The following USP13 variants were observed in gnomAD, a reference collection of about 807,000 sequenced individuals.
USP13 encodes the protein ubiquitin carboxyl-terminal hydrolase 13.
USP13 carries 68 observed loss-of-function variants against 107.8 expected under a neutral mutation model. That is an observed-to-expected ratio of 0.63 (90% CI 0.52 to 0.77). The LOEUF (loss-of-function observed/expected upper bound fraction) is 0.77. USP13 is among the 30% of genes least tolerant of loss of function. USP13 has a pLI of 0.00. For synonymous variants in USP13, 377 were observed against 389.5 expected, an observed-to-expected ratio of 0.97 and a Z score of 0.38; for missense variants, 945 against 1,093.3, an observed-to-expected ratio of 0.86 and a Z score of 1.91.
chr3:179,760,155 GTGTA>G (rs1714951844), intron 16 of USP13, among the ~76,000 whole-genome samples: 1 of 151,792 alleles, frequency 6.6e-6, no homozygotes, highest in Non-Finnish European at 1.5e-5. Flanking sequence ...CAGTGTGTAT[GTGTA>G]TGTATCTATA....
intron 19 of USP13, among the ~76,000 whole-genome samples, chr3:179,778,161 G>A (rs942726544): frequency 2.6e-5 from 4 of 151,500 alleles, no homozygotes; most frequent in Non-Finnish European, 4.4e-5. Context: ...CAATCTTCTC[G>A]GATTCATTTC....
At chr3:179,668,140 T>C (rs750660569) in intron 1 of USP13, among the ~76,000 whole-genome samples, 24 of 152,170 alleles carry the variant, frequency 1.6e-4, no homozygotes, top group Non-Finnish European at 3.4e-4. Context: ...GAGGAATCAT[T>C]ACTGCATTAA....
At chr3:179,699,712 A>AAAAG (rs1712444139) in intron 3 of USP13, among the ~76,000 whole-genome samples, 1 of 150,588 alleles carries the variant, frequency 6.6e-6, no homozygotes, top group South Asian at 2.1e-4. Context: ...AAAAAAAAAA[A>AAAAG]AAGCTTAGAT....
intron 2 of USP13, among the ~76,000 whole-genome samples, chr3:179,688,021 G>A (rs1030749313): frequency 9.2e-5 from 14 of 151,664 alleles, no homozygotes; most frequent in Admixed American, 5.3e-4. Flanking sequence ...CTCTGTCTAG[G>A]ATGTCTTACT....
At chr3:179,669,942 G>T (rs1720701785) in intron 1 of USP13, among the ~76,000 whole-genome samples, 1 of 152,146 alleles carries the variant, frequency 6.6e-6, no homozygotes, top group East Asian at 1.9e-4. Context: ...CTTCTGCCCA[G>T]TGTGCACCCA....
Position 179,728,390 on chromosome 3 carries a change from C to A in USP13, c.1089-1799C>A, listed in dbSNP as rs1446333159. Among the ~76,000 whole-genome samples, 8 of 149,276 alleles carry A rather than the reference C, an allele frequency of 5.4e-5. No homozygotes were observed. In the South Asian group the frequency reaches 1.5e-3, roughly 28 times the overall value. On this transcript the variant is annotated intron_variant, in intron 8 of 20. Transcript: ENST00000263966. ...CCCCACATCTCAGACGATGGGCGGC[C>A]GGGCAGAGACGCTCCTCACTTCCCA...
chr3:179,703,812 T>C (rs187313290), intron 4 of USP13, among the ~76,000 whole-genome samples: 97 of 152,274 alleles, frequency 6.4e-4, no homozygotes, highest in Middle Eastern at 6.8e-3. Flanking sequence ...AGTAAAACAA[T>C]TAGGAAGTGA....
Position 179,653,160 on chromosome 3 carries a change from C to T in USP13, c.-66C>T, listed in dbSNP as rs1406740494. The T allele has an allele frequency of 2.7e-6, 3 of 1,092,466 alleles. No homozygotes were observed. Among genetic ancestry groups the T allele is most frequent in the South Asian group, 8.7e-5 (2 of 23,102 alleles). 67.7% of individuals were successfully genotyped at this position (1,092,466 alleles called of 1,614,324 possible). Reference sequence around the variant, plus strand: ...CCGTCAGCCCGCTCGCTGGCGCCGCCGCCGCCGGCAGACCCCGCGCTCCGG... The same window carrying T: ...CCGTCAGCCCGCTCGCTGGCGCCGCTGCCGCCGGCAGACCCCGCGCTCCGG... On this transcript the variant is annotated 5_prime_UTR_variant, in exon 1 of 21. Coordinates refer to ENST00000263966, the MANE Select transcript of USP13 (RefSeq NM_003940.3). The surrounding 1 kb of genome is among the most constrained non-coding windows in gnomAD (Gnocchi z 4.0).
At chr3:179,763,951 A>T in intron 17 of USP13, 51 bp from the exon 18 acceptor site, 1 of 156,826 alleles carries the variant, frequency 6.4e-6, no homozygotes, top group South Asian at 1.9e-4. Flanking sequence ...GTTTCAGGAC[A>T]AAAAAAAAAA....
intron 1 of USP13, among the ~76,000 whole-genome samples, chr3:179,662,773 T>C (rs1720490589): frequency 6.6e-6 from 1 of 152,180 alleles, no homozygotes; most frequent in Non-Finnish European, 1.5e-5. Flanking sequence ...CAGAAAGACT[T>C]TTTGGAAAAG....
At chr3:179,700,343 G>T (rs1249572546) in intron 3 of USP13, among the ~76,000 whole-genome samples, 1 of 152,134 alleles carries the variant, frequency 6.6e-6, no homozygotes, top group Admixed American at 6.5e-5. Flanking sequence ...GCAAGAGGGA[G>T]ATTTTGTTTT....
chr3:179,726,549 C>T (rs887695338), intron 8 of USP13, among the ~76,000 whole-genome samples: 1 of 152,172 alleles, frequency 6.6e-6, no homozygotes, highest in Admixed American at 6.5e-5. Flanking sequence ...TTAGGATAAG[C>T]TTGCCAGGAG....
Position 179,754,862 on chromosome 3 carries a change from C to A in USP13, c.1921+8C>A. The A allele has an allele frequency of 6.2e-7, 1 of 1,606,728 alleles. No individual in the cohort carries two copies. Among genetic ancestry groups the A allele is most frequent in the Non-Finnish European group, 8.5e-7 (1 of 1,176,870 alleles). On this transcript the variant is annotated splice_region_variant and intron_variant, in intron 15 of 20. Coordinates refer to ENST00000263966, the MANE Select transcript of USP13 (RefSeq NM_003940.3). ...TTCCTGATGACTCAAAAGGTACCAT[C>A]TCCTGCCAGGAGAATATGCGCTACC...
intron 1 of USP13, among the ~76,000 whole-genome samples, chr3:179,674,238 G>T (rs367829671): frequency 8.1e-4 from 123 of 152,292 alleles, no homozygotes; most frequent in African/African-American, 2.8e-3. Flanking sequence ...CCACAGCCAA[G>T]TGTGTGACCA....
At chr3:179,783,774 G>A (rs964852165) in intron 20 of USP13, among the ~76,000 whole-genome samples, 2 of 151,706 alleles carry the variant, frequency 1.3e-5, no homozygotes, top group Non-Finnish European at 2.9e-5. Context: ...AGGCTGAAGC[G>A]AGAGGATCCC....
rs1348996783 is a variant in USP13 at position 179,754,714 on chromosome 3, A to G, written c.1799-18A>G. 11 of 1,610,150 alleles carry G rather than the reference A, an allele frequency of 6.8e-6. No individual in the cohort carries two copies. Among genetic ancestry groups the G allele is most frequent in the Non-Finnish European group, 8.5e-6 (10 of 1,178,270 alleles). On this transcript the variant is annotated intron_variant, in intron 14 of 20. Coordinates refer to ENST00000263966, the MANE Select transcript of USP13 (RefSeq NM_003940.3). ...GATTATGGAGAGCCCAGTGGATATA[A>G]TCTCTCTCATTTTGCAGATGTTTCT...
chr3:179,663,181 C>A (rs1345451191), intron 1 of USP13, among the ~76,000 whole-genome samples: 1 of 152,166 alleles, frequency 6.6e-6, no homozygotes, highest in East Asian at 1.9e-4. Flanking sequence ...AACCACCATT[C>A]AACTTTTTGT....
chr3:179,709,722 A>G (rs986606719), intron 6 of USP13, among the ~76,000 whole-genome samples: 5 of 152,212 alleles, frequency 3.3e-5, no homozygotes, highest in African/African-American at 1.2e-4. Flanking sequence ...ATCATTGGAA[A>G]CATTTGTTAA....
intron 2 of USP13, among the ~76,000 whole-genome samples, chr3:179,687,659 C>CAAGAAAAAAAAAAA (rs1711920931): frequency 5.4e-5 from 1 of 18,516 alleles, no homozygotes; most frequent in African/African-American, 1.0e-4. Context: ...AACTCTGTCT[C>CAAGAAAAAAAAAAA]AAAAAAAAAA....
Sources: gnomAD v4.1 joint callset for allele counts (sites outside exome capture counted in the v4.1 genomes callset) on GRCh38, gnomAD v4.1.1 for gene constraint, Gnocchi (gnomAD v3.1) non-coding constraint, MANE v1.5 for transcripts, NCBI Gene and HGNC (gene_info 2026-07-23, HGNC 2026-07-21) for gene names.